CDH18: variants seen among roughly 807,000 people sequenced by gnomAD.
CDH18 encodes the protein cadherin 18, also known as cadherin-18.
In CDH18, 31 loss-of-function variants were observed where a neutral mutation model predicts 67.9. The observed-to-expected ratio is 0.46, with a 90% CI of 0.34 to 0.62. CDH18 has a LOEUF of 0.62. Ranked by LOEUF, CDH18 falls within the 20% of genes least tolerant of loss-of-function variation. The probability of loss-of-function intolerance (pLI) is 0.01; values close to 1 mark genes in which losing one functional copy is unlikely to be tolerated. For missense variants in CDH18, 890 were observed against 975.5 expected (o/e 0.91, Z 1.17); for synonymous variants, 362 against 347.2 (o/e 1.04, Z -0.48).
At chr5:19,608,115 T>C (rs559231632) in intron 6 of CDH18, among the ~76,000 whole-genome samples, 1 of 151,758 alleles carries the variant, frequency 6.6e-6, no homozygotes, top group South Asian at 2.1e-4. Context: ...TATAAGGATA[T>C]AGAAAATTGG....
intron 5 of CDH18, among the ~76,000 whole-genome samples, chr5:19,657,387 C>A (rs1756546981): frequency 6.6e-6 from 1 of 152,016 alleles, no homozygotes; most frequent in African/African-American, 2.4e-5. Flanking sequence ...AAAAATAAAT[C>A]ACACAATCCA....
chr5:19,654,912 A>T lies in CDH18; in HGVS notation c.644-42311T>A, dbSNP rs532148775. The stretch of plus-strand genomic sequence containing the variant: ...GCTGAATTACTCTCGACATTCAGAC[A>T]CTCCTCTGCCATGCTGCTCTTCTGC... On this transcript the variant is annotated intron_variant, in intron 5 of 12. Transcript: ENST00000382275. Among the ~76,000 whole-genome samples, 5 of 151,766 alleles carry T rather than the reference A, an allele frequency of 3.3e-5. No individual in the cohort carries two copies. The South Asian group carries it at 6.2e-4, about 19-fold the overall frequency.
intron 2 of CDH18, among the ~76,000 whole-genome samples, chr5:20,106,979 T>C (rs910599796): frequency 2.0e-5 from 3 of 152,222 alleles, no homozygotes; most frequent in Non-Finnish European, 2.9e-5. Context: ...TTTGTTTGTA[T>C]TAATTTATTT....
intron 2 of CDH18, among the ~76,000 whole-genome samples, chr5:20,034,141 G>C (rs1739635271): frequency 6.6e-6 from 1 of 151,978 alleles, no homozygotes; most frequent in African/African-American, 2.4e-5. Context: ...AATTGTGACT[G>C]TACATGAAAA....
intron 1 of CDH18, among the ~76,000 whole-genome samples, chr5:20,555,373 G>C (rs1450031025): frequency 1.9e-5 from 2 of 105,422 alleles, no homozygotes; most frequent in African/African-American, 3.9e-5. Flanking sequence ...AGTAGTCCAA[G>C]CTAAGACAAG....
intron 2 of CDH18, among the ~76,000 whole-genome samples, chr5:19,902,080 G>C (rs1171527715): frequency 6.6e-6 from 1 of 152,068 alleles, no homozygotes; most frequent in Non-Finnish European, 1.5e-5. Flanking sequence ...AAAAATGTGA[G>C]AGCAATACTG....
intron 1 of CDH18, among the ~76,000 whole-genome samples, chr5:20,337,453 C>G (rs926213870): frequency 3.9e-5 from 6 of 152,108 alleles, no homozygotes; most frequent in African/African-American, 1.4e-4. Flanking sequence ...TTGCCAGATA[C>G]CCTAACTCAT....
intron 10 of CDH18, among the ~76,000 whole-genome samples, chr5:19,519,417 G>T (rs553266290): frequency 1.3e-5 from 2 of 152,250 alleles, no homozygotes; most frequent in South Asian, 4.1e-4. Context: ...ATTTGGGAAG[G>T]TATACTCATT....
At chr5:19,840,595 G>C (rs184148206) in intron 2 of CDH18, among the ~76,000 whole-genome samples, 2 of 152,066 alleles carry the variant, frequency 1.3e-5, no homozygotes, top group Admixed American at 1.3e-4. Context: ...CCAGCTACTC[G>C]AGAGACTGAG....
intron 3 of CDH18, among the ~76,000 whole-genome samples, chr5:19,822,133 A>C (rs1004966113): frequency 1.3e-5 from 2 of 152,164 alleles, no homozygotes; most frequent in African/African-American, 4.8e-5. Context: ...ATTAAACTTG[A>C]ATGTAGGTGC....
At chr5:19,956,469 A>C (rs796493018) in intron 2 of CDH18, among the ~76,000 whole-genome samples, 33 of 152,016 alleles carry the variant, frequency 2.2e-4, no homozygotes, top group African/African-American at 7.7e-4. Context: ...ATTACTGGTA[A>C]ATTCTTTCAT....
At chr5:20,407,334 G>C (rs904737886) in intron 1 of CDH18, among the ~76,000 whole-genome samples, 4 of 152,026 alleles carry the variant, frequency 2.6e-5, no homozygotes, top group Non-Finnish European at 4.4e-5. Context: ...AGACACCTAG[G>C]GGCCACTAAG....
chr5:20,039,362 G>A (rs1740197350), intron 2 of CDH18, among the ~76,000 whole-genome samples: 2 of 152,032 alleles, frequency 1.3e-5, no homozygotes, highest in Middle Eastern at 3.4e-3. Flanking sequence ...ATTTCATATG[G>A]AACCAAAAAA....
At chr5:20,519,833 A>G (rs1012280286) in intron 1 of CDH18, among the ~76,000 whole-genome samples, 1 of 151,480 alleles carries the variant, frequency 6.6e-6, no homozygotes, top group Admixed American at 6.6e-5. Flanking sequence ...TCTTGTTGGC[A>G]TAGTACTATG....
intron 1 of CDH18, among the ~76,000 whole-genome samples, chr5:20,333,528 T>TACACACACAC (rs10658368): frequency 2.9e-5 from 4 of 136,838 alleles, no homozygotes; most frequent in African/African-American, 8.0e-5. Context: ...ACAATATATA[T>TACACACACAC]ACACACACAC....
chr5:19,550,174 T>C (rs980997545), intron 8 of CDH18, among the ~76,000 whole-genome samples: 7 of 152,046 alleles, frequency 4.6e-5, no homozygotes, highest in African/African-American at 1.7e-4. Flanking sequence ...AAGCTTCATG[T>C]AGTAGGTAGG....
At chr5:20,340,933 T>A (rs573394408) in intron 1 of CDH18, among the ~76,000 whole-genome samples, 1 of 152,180 alleles carries the variant, frequency 6.6e-6, no homozygotes, top group East Asian at 1.9e-4. Context: ...AGGGATCTCT[T>A]AGCTCCTATG....
intron 2 of CDH18, among the ~76,000 whole-genome samples, chr5:19,927,202 A>T (rs1273968872): frequency 6.6e-6 from 1 of 152,182 alleles, no homozygotes; most frequent in East Asian, 1.9e-4. Flanking sequence ...TGCTATGCTA[A>T]CCTGCTCATA....
chr5:20,391,637 C>A (rs1744869262), intron 1 of CDH18, among the ~76,000 whole-genome samples: 1 of 151,960 alleles, frequency 6.6e-6, no homozygotes, highest in African/African-American at 2.4e-5. Context: ...CAGAGCTTTA[C>A]ATTACTTAAA....
Sources: allele counts gnomAD v4.1 joint callset (sites outside exome capture counted in the v4.1 genomes callset), GRCh38; gene constraint gnomAD v4.1.1; transcripts MANE v1.5; gene names NCBI Gene and HGNC (gene_info 2026-07-23, HGNC 2026-07-21).